The following ACVR2A variants were observed in gnomAD, a reference collection of about 807,000 sequenced individuals.
The protein encoded by ACVR2A is activin A receptor type 2A.
A neutral mutation model predicts 61.4 loss-of-function variants in ACVR2A; 7 were observed. The observed-to-expected ratio is 0.11, with a 90% CI of 0.06 to 0.21. The LOEUF (loss-of-function observed/expected upper bound fraction) is 0.21, where lower values mean the gene tolerates loss of function less well. Ranked by LOEUF, ACVR2A falls within the 10% of genes least tolerant of loss-of-function variation. The pLI is 1.00. For missense variants in ACVR2A, 322 were observed against 621.7 expected, an observed-to-expected ratio of 0.52 and a Z score of 5.13; for synonymous variants, 193 against 208.3, an observed-to-expected ratio of 0.93 and a Z score of 0.63.
chr2:147,890,164 A>G (rs1022358041), intron 1 of ACVR2A, among the ~76,000 whole-genome samples: 6 of 152,134 alleles, frequency 3.9e-5, no homozygotes, highest in Admixed American at 1.3e-4. Context: ...TTGCAGAAAA[A>G]CAAAAACAAC....
intron 1 of ACVR2A, among the ~76,000 whole-genome samples, chr2:147,869,894 A>T (rs1685966835): frequency 6.6e-6 from 1 of 152,006 alleles, no homozygotes; most frequent in Non-Finnish European, 1.5e-5. Context: ...GCATGAACTA[A>T]GATGGGGTGG....
chr2:147,894,697 C>T (rs531543332), intron 1 of ACVR2A, among the ~76,000 whole-genome samples: 7 of 152,082 alleles, frequency 4.6e-5, no homozygotes, highest in East Asian at 1.9e-4. Context: ...TAAAAATTTT[C>T]AAAATTTTTA....
Position 147,928,557 on chromosome 2 carries a change from G to A in ACVR2A, c.*1283G>A, listed in dbSNP as rs1324372994. On this transcript the variant is annotated 3_prime_UTR_variant, in exon 11 of 11. Coordinates refer to ENST00000241416, the MANE Select transcript of ACVR2A (RefSeq NM_001616.5). Reference sequence around the variant, plus strand: ...ATGTTACTGCTTTAAAACAAATCAGGGATAACAAATTAAACGTATAACTTA... The same window carrying A: ...ATGTTACTGCTTTAAAACAAATCAGAGATAACAAATTAAACGTATAACTTA... The A allele has an allele frequency of 6.6e-6, 1 of 151,912 alleles. No homozygotes were observed. The highest frequency in any genetic ancestry group is 1.5e-5 in the Non-Finnish European group (1 of 67,814). 9.4% of individuals were successfully genotyped at this position (151,912 alleles called of 1,614,324 possible).
intron 1 of ACVR2A, among the ~76,000 whole-genome samples, chr2:147,855,078 A>G (rs936845669): frequency 3.3e-5 from 5 of 151,974 alleles, no homozygotes; most frequent in African/African-American, 1.2e-4. Context: ...AGGGGGTTTA[A>G]CCATGTTGGG....
chr2:147,913,701 A>T (rs1687175891), intron 4 of ACVR2A, among the ~76,000 whole-genome samples: 2 of 151,578 alleles, frequency 1.3e-5, no homozygotes, highest in South Asian at 4.2e-4. Flanking sequence ...CTCCACTGAG[A>T]ATCACACTTG....
In ACVR2A at chr2:147,920,211, T is replaced by C; in HGVS notation, c.963-19T>C. On this transcript the variant is annotated intron_variant, in intron 7 of 10. Coordinates refer to ENST00000241416, the MANE Select transcript of ACVR2A (RefSeq NM_001616.5). ...GTAACTAGTTTAAACTTAATTTGAA[T>C]ACTCTTTTTATTTGCAAGGGACATC... 6.4e-7 allele frequency: 1 copy of C among 1,561,152 alleles called. No homozygotes were observed. The highest frequency in any genetic ancestry group is 1.4e-5 in the African/African-American group (1 of 73,722).
At chr2:147,867,735 AC>A (rs756663713) in intron 1 of ACVR2A, among the ~76,000 whole-genome samples, 20 of 152,078 alleles carry the variant, frequency 1.3e-4, no homozygotes, top group Non-Finnish European at 2.8e-4. Context: ...AAAACCCCTT[AC>A]TTCTTGTCAC....
intron 1 of ACVR2A, among the ~76,000 whole-genome samples, chr2:147,877,949 T>C (rs552428599): frequency 6.6e-6 from 1 of 152,312 alleles, no homozygotes; most frequent in South Asian, 2.1e-4. Flanking sequence ...TTTTTACTCT[T>C]CGAAAACTGT....
chr2:147,882,229 T>C (rs1686320397), intron 1 of ACVR2A, among the ~76,000 whole-genome samples: 1 of 152,234 alleles, frequency 6.6e-6, no homozygotes, highest in Non-Finnish European at 1.5e-5. Context: ...TGCTTGCCTT[T>C]GTAATTTGTC....
At chr2:147,886,483 C>A (rs1686434792) in intron 1 of ACVR2A, among the ~76,000 whole-genome samples, 1 of 152,122 alleles carries the variant, frequency 6.6e-6, no homozygotes, top group African/African-American at 2.4e-5. Flanking sequence ...GTTCCCGAAA[C>A]AGTTCTTATT....
chr2:147,845,246 C>T (rs1321583137), intron 1 of ACVR2A, 39 bp downstream of exon 1: 2 of 1,584,536 alleles, frequency 1.3e-6, no homozygotes, highest in Non-Finnish European at 8.6e-7. Context: ...GCTGCTCCTG[C>T]GGCCGCGGCG....
Position 147,915,201 on chromosome 2 carries a change from C to T in ACVR2A, c.539C>T (p.Pro180Leu). Reference sequence around the variant, plus strand: ...ATTATTTATCTGTAGGACCCAGGACCACCCCCACCTTCTCCATTACTAGGT... The same window carrying T: ...ATTATTTATCTGTAGGACCCAGGACTACCCCCACCTTCTCCATTACTAGGT... ...PVLVPTQDPG[P>L]PPPSPLLGLK... Residue 180 changes from proline to leucine, a missense_variant, in exon 5 of 11, where the codon CCA becomes CTA. Around this residue, in one of 3 missense-constraint regions of ACVR2A, gnomAD observed 146 missense variants for 383.8 expected, o/e 0.38. Coordinates refer to ENST00000241416, the MANE Select transcript of ACVR2A (RefSeq NM_001616.5). 1 of 1,611,730 alleles carries T rather than the reference C, an allele frequency of 6.2e-7. No homozygotes were observed. Among genetic ancestry groups the T allele is most frequent in the Non-Finnish European group, 8.5e-7 (1 of 1,178,354 alleles).
chr2:147,887,723 A>AT (rs999104240), intron 1 of ACVR2A, among the ~76,000 whole-genome samples: 1 of 152,162 alleles, frequency 6.6e-6, no homozygotes, highest in Non-Finnish European at 1.5e-5. Context: ...TGCAGTACTT[A>AT]TTTTTTATGG....
chr2:147,859,243 C>T (rs190908449), intron 1 of ACVR2A, among the ~76,000 whole-genome samples: 1 of 152,174 alleles, frequency 6.6e-6, no homozygotes, highest in Admixed American at 6.5e-5. Flanking sequence ...CTCCCCAGCA[C>T]TCTCACAGTT....
At chr2:147,916,313 G>A (rs1687248624) in intron 5 of ACVR2A, among the ~76,000 whole-genome samples, 1 of 151,758 alleles carries the variant, frequency 6.6e-6, no homozygotes, top group Admixed American at 6.6e-5. Context: ...CCATGTGTAA[G>A]GAAGCATAAA....
At chr2:147,865,812 G>C (rs1685838114) in intron 1 of ACVR2A, among the ~76,000 whole-genome samples, 1 of 152,166 alleles carries the variant, frequency 6.6e-6, no homozygotes, top group Non-Finnish European at 1.5e-5. Flanking sequence ...AGAATGATTA[G>C]TAAACTAGCA....
intron 1 of ACVR2A, among the ~76,000 whole-genome samples, chr2:147,873,885 G>T (rs957528372): frequency 1.3e-5 from 2 of 151,986 alleles, no homozygotes; most frequent in Admixed American, 1.3e-4. Flanking sequence ...CTGGAGGAGA[G>T]AAGTAGTTAT....
Position 147,923,127 on chromosome 2 carries a change from A to C in ACVR2A, c.1216+16A>C, listed in dbSNP as rs749521087. On this transcript the variant is annotated intron_variant, in intron 9 of 10. Transcript: ENST00000241416. The stretch of plus-strand genomic sequence containing the variant: ...GCTGCAGATGGTAAGGGAAAAAAAT[A>C]TTTTTAAAAAAGATATATATGCCTA... The C allele has an allele frequency of 6.2e-7, 1 of 1,600,368 alleles. No individual in the cohort carries two copies. Among genetic ancestry groups the C allele is most frequent in the Non-Finnish European group, 8.5e-7 (1 of 1,175,246 alleles).
At chr2:147,891,975 T>C (rs1435128440) in intron 1 of ACVR2A, among the ~76,000 whole-genome samples, 1 of 152,036 alleles carries the variant, frequency 6.6e-6, no homozygotes, top group East Asian at 1.9e-4. Context: ...TTTTTTTGTT[T>C]TGTTTTGTTT....
Sources: gnomAD v4.1 joint callset for allele counts (sites outside exome capture counted in the v4.1 genomes callset) on GRCh38, gnomAD v4.1.1 for gene constraint, gnomAD v4.1.1 regional missense constraint, MANE v1.5 for transcripts, NCBI Gene and HGNC (gene_info 2026-07-23, HGNC 2026-07-21) for gene names.